MUC6: variants seen among roughly 807,000 people sequenced by gnomAD.
MUC6 encodes the protein mucin 6, oligomeric mucus/gel-forming (gene/pseudogene), also known as mucin-6.
In MUC6, 188 loss-of-function variants were observed where a neutral mutation model predicts 201.5. The ratio of observed to expected loss-of-function variants is 0.93; its 90% confidence interval spans 0.83 to 1.05. The LOEUF (loss-of-function observed/expected upper bound fraction) is 1.05, where lower values mean the gene tolerates loss of function less well. MUC6 is among the 50% of genes least tolerant of loss of function. The pLI, the probability that MUC6 is intolerant of heterozygous loss-of-function variation, is 0.00. For synonymous variants in MUC6, 1,228 were observed against 1,389.4 expected (o/e 0.88, Z 2.58); for missense variants, 2,706 against 3,256.9 (o/e 0.83, Z 4.12).
chr11:1,024,043 C>G lies in MUC6; in HGVS notation c.3286G>C (p.Gly1096Arg), dbSNP rs371512903. The change falls in exon 25 of 33, where the codon GGG becomes CGG. Residue 1096 changes from glycine (G) to arginine (R), a missense_variant. By Grantham distance (125) the Gly-to-Arg change is moderately radical (BLOSUM62 -2). Around this residue, in one of 10 missense-constraint regions of MUC6, gnomAD observed 1,850 missense variants for 1,958.3 expected, o/e 0.94. Transcript: ENST00000421673. The part of the protein sequence containing the change: ...VRDACGCDSG[G>R]DCECLCDAVA... ...GCATCGCACAGACACTCACAGTCCC[C>G]GCCACTGTCACACCCACATGCGTCG... is the stretch of plus-strand genomic sequence containing the variant. 1 of 1,613,082 alleles carries G rather than the reference C, an allele frequency of 6.2e-7. No individual in the cohort carries two copies. Among genetic ancestry groups the G allele is most frequent in the East Asian group, 2.2e-5 (1 of 44,868 alleles).
chr11:1,034,851 C>A (rs889584381), intron 1 of MUC6, among the ~76,000 whole-genome samples: 1 of 152,186 alleles, frequency 6.6e-6, no homozygotes, highest in African/African-American at 2.4e-5. Flanking sequence ...CCGCCGCCCT[C>A]GCCCTGCCCC....
Position 1,015,945 on chromosome 11 carries a change from C to T in MUC6, c.6856G>A (p.Val2286Met), listed in dbSNP as rs1856594786. Residue 2286 changes from valine to methionine, a missense_variant, in exon 31 of 33, where the codon GTG becomes ATG. By Grantham distance (21) the Val-to-Met change is conservative. Transcript: ENST00000421673. ...LTTRVPTSGF[V>M]SLTSGVTGIP... ...CCCGTCACCCCCGAGGTGAGTGACACAAAGCCTGATGTGGGAACTCGGGTG... is the reference window on the plus strand; with the variant it reads ...CCCGTCACCCCCGAGGTGAGTGACATAAAGCCTGATGTGGGAACTCGGGTG... 6.3e-7 allele frequency: 1 copy of T among 1,594,476 alleles called. No homozygotes were observed. The highest frequency in any genetic ancestry group is 8.6e-7 in the Non-Finnish European group (1 of 1,168,108).
chr11:1,023,924 C>A (rs746979987), intron 25 of MUC6, 23 bp downstream of exon 25: 1 of 1,608,870 alleles, frequency 6.2e-7, no homozygotes, highest in Admixed American at 1.7e-5. Context: ...CTGGAGCAAC[C>A]TGTGGGAGGG....
intron 26 of MUC6, among the ~76,000 whole-genome samples, chr11:1,022,265 C>CCT (rs1403910182): frequency 7.3e-6 from 1 of 136,408 alleles, no homozygotes; most frequent in Non-Finnish European, 1.6e-5. Context: ...GCCCCGCGCC[C>CCT]CACTCGCTCC....
At chr11:1,022,226 C>T (rs1199189597) in intron 26 of MUC6, among the ~76,000 whole-genome samples, 1 of 150,890 alleles carries the variant, frequency 6.6e-6, no homozygotes, top group East Asian at 2.0e-4. Flanking sequence ...CAGCCCTGTG[C>T]CCCTCACTCG....
In MUC6 at chr11:1,027,333, C is replaced by G. The variant is rs200162176; in HGVS notation, c.2166G>C (p.Pro722=). The G allele has an allele frequency of 1.1e-4, 185 of 1,612,982 alleles. No homozygotes were observed. The highest frequency in any genetic ancestry group is 1.1e-4 in the Non-Finnish European group (131 of 1,179,850). ...KGECVRKAQC[P]CILEGYKFIL... ...TGAACTTGTAACCCTCCAGTATGCA[C>G]GGGCACTGGGCCTTGCGCACACACT... The change falls in exon 17 of 33, where the codon CCG becomes CCC. Residue 722 remains proline, a synonymous_variant. Transcript: ENST00000421673.
intron 31 of MUC6, among the ~76,000 whole-genome samples, chr11:1,014,287 G>A (rs1342536851): frequency 1.3e-5 from 2 of 152,246 alleles, no homozygotes; most frequent in Non-Finnish European, 1.5e-5. Context: ...GCCTGTGTGA[G>A]CCACCCTTGG....
At chr11:1,026,300 G>A in intron 20 of MUC6, 27 bp downstream of exon 20, 1 of 1,556,238 alleles carries the variant, frequency 6.4e-7, no homozygotes, top group Non-Finnish European at 8.7e-7. Flanking sequence ...AGGAGCCCAG[G>A]GCGTCTGAAG....
In MUC6 at chr11:1,033,742, C is replaced by T. The variant is rs562442868; in HGVS notation, c.53-667G>A. 6.6e-6 allele frequency among the ~76,000 whole-genome samples: 1 copy of T among 152,134 alleles called. No homozygotes were observed. Among genetic ancestry groups the T allele is most frequent in the East Asian group, 1.9e-4 (1 of 5,162 alleles). The stretch of plus-strand genomic sequence containing the variant: ...GGGGCCAACACCCCCCACGTCCCAC[C>T]CCCTGTACCCAGAGGGAGACTTTTC... On this transcript the variant is annotated intron_variant, in intron 1 of 32. Coordinates refer to ENST00000421673, the MANE Select transcript of MUC6 (RefSeq NM_005961.3). The surrounding 1 kb of genome is among the most constrained non-coding windows in gnomAD (Gnocchi z 5.6).
intron 32 of MUC6, 89 bp downstream of exon 32, chr11:1,013,809 AG>A: frequency 7.0e-7 from 1 of 1,429,948 alleles, no homozygotes; most frequent in Non-Finnish European, 9.5e-7. Context: ...ATGGGGCAGC[AG>A]GCGCCTGGGT....
chr11:1,026,906 C>A (rs372142462), intron 19 of MUC6, 35 bp downstream of exon 19: 15 of 1,509,918 alleles, frequency 9.9e-6, no homozygotes, highest in Non-Finnish European at 1.2e-5. Flanking sequence ...AGCTGGGGCC[C>A]GGGCATTGTC....
chr11:1,018,868 TG>T, intron 30 of MUC6, 98 bp from the exon 31 acceptor site: 4 of 1,440,598 alleles, frequency 2.8e-6, no homozygotes, highest in Non-Finnish European at 3.7e-6. Flanking sequence ...TTTTCTTGCC[TG>T]TCTGTGCCTC....
chr11:1,016,351 G>C lies in MUC6; in HGVS notation c.6450C>G (p.Ser2150=). The C allele has an allele frequency of 6.2e-7, 1 of 1,611,494 alleles. No homozygotes were observed. Among genetic ancestry groups the C allele is most frequent in the Non-Finnish European group, 8.5e-7 (1 of 1,178,754 alleles). Reference sequence around the variant, plus strand: ...CAGAAGGCGATGAAGTCTGGGGAGAGGAGTGGGAGGAGGGCACATAAGAAG... The same window carrying C: ...CAGAAGGCGATGAAGTCTGGGGAGACGAGTGGGAGGAGGGCACATAAGAAG... The part of the protein sequence containing the change: ...TVSSYVPSSH[S]SPQTSSPSVG... Residue 2150 remains serine (S), a synonymous_variant, in exon 31 of 33, where the codon TCC becomes TCG. Transcript: ENST00000421673.
rs767665814 is a variant in MUC6 at position 1,024,831 on chromosome 11, G to A, written c.3225+13C>T. On this transcript the variant is annotated intron_variant, in intron 24 of 32. Coordinates refer to ENST00000421673, the MANE Select transcript of MUC6 (RefSeq NM_005961.3). ...GGAGGGGCAGGCGCACAGCCCTCGT[G>A]CCCGGTGCCCACCTTGCTGTGGCAG... The A allele has an allele frequency of 1.9e-6, 3 of 1,604,908 alleles. No homozygotes were observed. The African/African-American group carries it at 4.0e-5, about 21-fold the overall frequency.
At chr11:1,025,437 G>C in intron 22 of MUC6, 70 bp from the exon 23 acceptor site, 1 of 1,535,032 alleles carries the variant, frequency 6.5e-7, no homozygotes. Flanking sequence ...GTGCTGGACC[G>C]AGCTCTCAGA....
rs775145091 is a variant in MUC6, at chr11:1,031,662, G to T, written c.428C>A (p.Ala143Asp). Residue 143 changes from alanine (A) to aspartate (D), a missense_variant, in exon 4 of 33, where the codon GCC becomes GAC. Around this residue, in one of 10 missense-constraint regions of MUC6, gnomAD observed 1,850 missense variants for 1,958.3 expected, o/e 0.94. Coordinates refer to ENST00000421673, the MANE Select transcript of MUC6 (RefSeq NM_005961.3). ...TPFGQSVRLV[A>D]KQLELELEVV... ...TTCCAGCTCCAGCTCCAGCTGCTTGGCCACCAGCCGCACGCTCTGGCCGAA... is the reference window on the plus strand; with the variant it reads ...TTCCAGCTCCAGCTCCAGCTGCTTGTCCACCAGCCGCACGCTCTGGCCGAA... The T allele has an allele frequency of 3.4e-5, 53 of 1,550,506 alleles. No individual in the cohort carries two copies. The highest frequency in any genetic ancestry group is 4.4e-5 in the Non-Finnish European group (50 of 1,147,044).
Position 1,018,454 on chromosome 11 carries a change from A to G in MUC6, c.4347T>C (p.Pro1449=), listed in dbSNP as rs779006208. The change falls in exon 31 of 33, where the codon CCT becomes CCC. Residue 1449 remains proline, a synonymous_variant. Transcript: ENST00000421673. ...TTGGAGTCACCAAGGAGGTGGAGAA[A>G]GGTGGAACGTGAGTGGGAAGTGTGG... ...PETTLPTHVP[P]FSTSLVTPST... 1 of 1,614,070 alleles carries G rather than the reference A, an allele frequency of 6.2e-7. No individual in the cohort carries two copies. Among genetic ancestry groups the G allele is most frequent in the Admixed American group, 1.7e-5 (1 of 60,026 alleles).
intron 28 of MUC6, 112 bp downstream of exon 28, chr11:1,020,572 C>T: frequency 6.8e-7 from 1 of 1,463,882 alleles, no homozygotes; most frequent in African/African-American, 1.4e-5. Context: ...GAGAAGGGCA[C>T]AGGTACTGCC....
rs377729497 is a variant in MUC6, at chr11:1,016,528, C to T, written c.6273G>A (p.Ser2091=). 30 of 1,487,034 alleles carry T rather than the reference C, an allele frequency of 2.0e-5. No homozygotes were observed. The highest frequency in any genetic ancestry group is 3.5e-4 in the Middle Eastern group (2 of 5,774). The allele number at this position is 1,487,034 out of a possible 1,614,324, so 92.1% of individuals were successfully genotyped here. A position where few individuals can be genotyped will look rare whatever the true frequency, so the allele number is the denominator to read the frequency against. The change falls in exon 31 of 33, where the codon TCG becomes TCA. Residue 2091 remains serine, a synonymous_variant. Transcript: ENST00000421673. ...ATASSSFISS[S]SWLPQNSSSR... ...AGCTAGAGTTCTGAGGCAGCCAAGA[C>T]GAGGAGGATATGAAGGAAGAAGAGG...
Sources: gnomAD v4.1 joint callset for allele counts (sites outside exome capture counted in the v4.1 genomes callset) on GRCh38, gnomAD v4.1.1 for gene constraint, gnomAD v4.1.1 regional missense constraint, Gnocchi (gnomAD v3.1) non-coding constraint, MANE v1.5 for transcripts, NCBI Gene and HGNC (gene_info 2026-07-23, HGNC 2026-07-21) for gene names.